CASQ2: variants seen among roughly 807,000 people sequenced by gnomAD.
The protein encoded by CASQ2 is calsequestrin 2, also known as calsequestrin-2.
CASQ2 carries 49 observed loss-of-function variants against 46.5 expected under a neutral mutation model. The ratio of observed to expected loss-of-function variants is 1.05; its 90% CI spans 0.84 to 1.34. The LOEUF is 1.34. Ranked by LOEUF, CASQ2 falls within the 40% of genes most tolerant of loss-of-function variation. The pLI, the probability that CASQ2 is intolerant of heterozygous loss-of-function variation, is 0.00. For synonymous variants in CASQ2, 174 were observed against 168.5 expected, an observed-to-expected ratio of 1.03 and a Z score of -0.25; for missense variants, 486 against 481.3, an observed-to-expected ratio of 1.01 and a Z score of -0.09.
rs569487360 is a variant in CASQ2, at chr1:115,764,262, G to A, written c.234+4046C>T. Among the ~76,000 whole-genome samples the A allele has an allele frequency of 6.6e-5, 10 of 152,006 alleles. No homozygotes were observed. The South Asian group carries it at 2.1e-3, about 32-fold the overall frequency. On this transcript the variant is annotated intron_variant, in intron 1 of 10. Coordinates refer to ENST00000261448, the MANE Select transcript of CASQ2 (RefSeq NM_001232.4). Reference sequence around the variant, plus strand: ...TAATTATTTTAAAAATATGTATGATGATACAGTGGAATACTATGCTGGTAT... The same window carrying A: ...TAATTATTTTAAAAATATGTATGATAATACAGTGGAATACTATGCTGGTAT...
intron 5 of CASQ2, among the ~76,000 whole-genome samples, chr1:115,731,600 C>T (rs533487963): frequency 6.6e-6 from 1 of 152,210 alleles, no homozygotes; most frequent in African/African-American, 2.4e-5. Flanking sequence ...GTGCCAAAAA[C>T]CAGCTAGGCA....
chr1:115,751,048 C>T (rs554926708), intron 1 of CASQ2, among the ~76,000 whole-genome samples: 1 of 152,206 alleles, frequency 6.6e-6, no homozygotes, highest in Non-Finnish European at 1.5e-5. Context: ...CAAGCCTGTG[C>T]TGTGACTCCA....
intron 8 of CASQ2, among the ~76,000 whole-genome samples, chr1:115,706,136 C>CTG (rs373465729): frequency 6.6e-6 from 1 of 151,638 alleles, no homozygotes; most frequent in Admixed American, 6.6e-5. Flanking sequence ...TAAACTGTGC[C>CTG]TGTGTGTGTG....
At chr1:115,748,948 A>G (rs1648480689) in intron 1 of CASQ2, among the ~76,000 whole-genome samples, 3 of 152,168 alleles carry the variant, frequency 2.0e-5, no homozygotes, top group Admixed American at 2.0e-4. Context: ...CCTCAGCACA[A>G]TACAGTAGAA....
Position 115,705,312 on chromosome 1 carries a change from A to T in CASQ2, c.839-20T>A, listed in dbSNP as rs1654325956. On this transcript the variant is annotated intron_variant, in intron 8 of 10. Coordinates refer to ENST00000261448, the MANE Select transcript of CASQ2 (RefSeq NM_001232.4). Reference sequence around the variant, plus strand: ...AGCCATCTGAAACAGGATTCAAGAGAGTTGAGTAACCCCTGCACATACACA... The same window carrying T: ...AGCCATCTGAAACAGGATTCAAGAGTGTTGAGTAACCCCTGCACATACACA... The T allele has an allele frequency of 2.0e-6, 3 of 1,527,236 alleles. No individual in the cohort carries two copies. The South Asian group carries it at 3.4e-5, about 17-fold the overall frequency. 94.6% of individuals were successfully genotyped at this position (1,527,236 alleles called of 1,614,324 possible).
At chr1:115,733,189 AC>A (rs1647846221) in intron 4 of CASQ2, among the ~76,000 whole-genome samples, 1 of 152,184 alleles carries the variant, frequency 6.6e-6, no homozygotes. Flanking sequence ...CCAAGAGAAG[AC>A]CCATTCACCA....
At chr1:115,760,224 A>G (rs1648891202) in intron 1 of CASQ2, among the ~76,000 whole-genome samples, 1 of 152,240 alleles carries the variant, frequency 6.6e-6, no homozygotes, top group Admixed American at 6.5e-5. Context: ...AGGTAACAAC[A>G]TGATTCTGGT....
At chr1:115,746,354 C>A (rs1648390168) in intron 1 of CASQ2, among the ~76,000 whole-genome samples, 1 of 152,048 alleles carries the variant, frequency 6.6e-6, no homozygotes, top group Non-Finnish European at 1.5e-5. Flanking sequence ...TCTAATAGTA[C>A]AATTGCTGGG....
intron 2 of CASQ2, 55 bp from the exon 3 acceptor site, chr1:115,740,883 T>C (rs764429640): frequency 7.0e-5 from 87 of 1,237,448 alleles, no homozygotes; most frequent in African/African-American, 4.5e-5. Flanking sequence ...GGAAGAGTGA[T>C]TGTATTGGCT....
chr1:115,722,145 G>T (rs1168967174), intron 7 of CASQ2, among the ~76,000 whole-genome samples: 1 of 152,202 alleles, frequency 6.6e-6, no homozygotes, highest in African/African-American at 2.4e-5. Flanking sequence ...GACTAGGTCT[G>T]GTTAGGGTTC....
In CASQ2 at chr1:115,738,347, C is replaced by T. The variant is rs1648037214; in HGVS notation, c.421-12G>A. On this transcript the variant is annotated splice_polypyrimidine_tract_variant and intron_variant, in intron 3 of 10. Transcript: ENST00000261448. ...GGGTCTTCAATTAGCTGAAATGCCA[C>T]ACGCACATACACACATGTTCAAACA... The T allele has an allele frequency of 1.4e-6, 2 of 1,413,028 alleles. No homozygotes were observed. The highest frequency in any genetic ancestry group is 1.1e-5 in the South Asian group (1 of 87,040). 87.5% of individuals were successfully genotyped at this position (1,413,028 alleles called of 1,614,324 possible). A position where few individuals can be genotyped will look rare whatever the true frequency, so the allele number is the denominator to read the frequency against.
rs766443119 is a variant in CASQ2, at chr1:115,727,089, C to A, written c.640G>T (p.Val214Phe). 31 of 1,612,964 alleles carry A rather than the reference C, an allele frequency of 1.9e-5. No individual in the cohort carries two copies. The highest frequency in any genetic ancestry group is 2.6e-5 in the Non-Finnish European group (31 of 1,179,186). ...TCCATAAATGGCTCATAGAAGTCAA[C>A]CTCATTCATCTTCAAAGATAATTTC... is the stretch of plus-strand genomic sequence containing the variant. The part of the protein sequence containing the change: ...AKKLSLKMNE[V>F]DFYEPFMDEP... Residue 214 changes from valine (V) to phenylalanine (F), a missense_variant, in exon 6 of 11, where the codon GTT (valine) becomes TTT (phenylalanine). By Grantham distance (50) the Val-to-Phe change is conservative. Transcript: ENST00000261448.
At chr1:115,726,947 T>TGCCCCCCCCCCCCGCC in intron 6 of CASQ2, 45 bp downstream of exon 6, 10 of 1,036,546 alleles carry the variant, frequency 9.6e-6, no homozygotes, top group Non-Finnish European at 1.2e-5. Flanking sequence ...TCCTCTCCAT[T>TGCCCCCCCCCCCCGCC]CCCCAGACCC....
At position 115,711,441 on chromosome 1, in the gene CASQ2, G is replaced by A. The variant is rs75639148; in HGVS notation, c.839-6149C>T. 9.5e-3 allele frequency among the ~76,000 whole-genome samples: 1,447 copies of A among 152,244 alleles called. 28 individuals are homozygous for A. The highest frequency in any genetic ancestry group is 0.032 in the African/African-American group (1,326 of 41,534). On this transcript the variant is annotated intron_variant, in intron 8 of 10. Transcript: ENST00000261448. ...AAAGTGGAGAGAACAGCTGCCACAT[G>A]ACTTCTCAGGCATGTTGATATAACG... is the stretch of plus-strand genomic sequence containing the variant.
In CASQ2 at chr1:115,753,910, C is replaced by G. The variant is rs1312877908; in HGVS notation, c.235-8998G>C. 3.3e-5 allele frequency among the ~76,000 whole-genome samples: 5 copies of G among 151,634 alleles called. No homozygotes were observed. In the East Asian group the frequency reaches 9.7e-4, roughly 29 times the overall value. ...AGAATCTGAAAAAAAAAAAGTTGAG[C>G]CTCGGGGAAAATGTCACAGATCTCT... On this transcript the variant is annotated intron_variant, in intron 1 of 10. Transcript: ENST00000261448.
chr1:115,701,399 C>G lies in CASQ2; in HGVS notation c.1042G>C (p.Asp348His). Residue 348 changes from aspartate (D) to histidine (H), a missense_variant, in exon 11 of 11, where the codon GAT becomes CAT. Asp to His is a moderately conservative substitution (Grantham distance 81). Transcript: ENST00000261448. ...TCAGCAGTTGGAAGATCGTCATCAT[C>G]TGGAATCTCCATCCAGACACTGTCA... The part of the protein sequence containing the change: ...DADSVWMEIP[D>H]DDDLPTAEEL... 6.2e-7 allele frequency: 1 copy of G among 1,613,804 alleles called. No homozygotes were observed. Among genetic ancestry groups the G allele is most frequent in the Non-Finnish European group, 8.5e-7 (1 of 1,179,716 alleles).
chr1:115,757,527 G>T (rs17034494), intron 1 of CASQ2, among the ~76,000 whole-genome samples: 7,025 of 152,136 alleles, frequency 0.046, 568 homozygotes, highest in African/African-American at 0.16. Context: ...GCGTTTCCAC[G>T]CAGCTCCATC....
intron 1 of CASQ2, among the ~76,000 whole-genome samples, chr1:115,752,896 ACAGTGT>A (rs1232372007): frequency 6.6e-6 from 1 of 152,242 alleles, no homozygotes; most frequent in Admixed American, 6.5e-5. Flanking sequence ...TCAGACCAAG[ACAGTGT>A]CAGTGGGAGA....
intron 8 of CASQ2, among the ~76,000 whole-genome samples, chr1:115,712,847 C>G (rs1654589637): frequency 9.6e-6 from 1 of 104,350 alleles, no homozygotes; most frequent in Non-Finnish European, 1.8e-5. Flanking sequence ...TAGAGGGAGA[C>G]TGCCTCAAAA....
Sources: gnomAD v4.1 joint callset for allele counts (sites outside exome capture counted in the v4.1 genomes callset) on GRCh38, gnomAD v4.1.1 for gene constraint, MANE v1.5 for transcripts, NCBI Gene and HGNC (gene_info 2026-07-23, HGNC 2026-07-21) for gene names.